DPYD: variants seen among roughly 807,000 people sequenced by gnomAD.
DPYD encodes the protein dihydropyrimidine dehydrogenase.
A neutral mutation model predicts 116.2 loss-of-function variants in DPYD; 109 were observed. That is an observed-to-expected ratio of 0.94 (90% CI 0.80 to 1.10). The LOEUF (loss-of-function observed/expected upper bound fraction) is 1.10. Ranked by LOEUF, DPYD falls within the 50% of genes least tolerant of loss-of-function variation. The pLI is 0.00. For missense variants in DPYD, 1,302 were observed against 1,254.5 expected (o/e 1.04, Z -0.57); for synonymous variants, 440 against 432.0 (o/e 1.02, Z -0.23).
intron 3 of DPYD, among the ~76,000 whole-genome samples, chr1:97,761,323 C>T (rs908757691): frequency 3.9e-5 from 6 of 151,906 alleles, no homozygotes; most frequent in Non-Finnish European, 7.4e-5. Context: ...AATCTGAAAA[C>T]GTCTTTAAAA....
intron 2 of DPYD, among the ~76,000 whole-genome samples, chr1:97,869,863 T>G (rs1004228083): frequency 3.3e-5 from 5 of 151,864 alleles, no homozygotes; most frequent in Admixed American, 6.6e-5. Flanking sequence ...ATTTCTTTCA[T>G]GTGAAGGTCT....
At chr1:97,558,262 A>C (rs1651891847) in intron 11 of DPYD, among the ~76,000 whole-genome samples, 1 of 152,074 alleles carries the variant, frequency 6.6e-6, no homozygotes, top group South Asian at 2.1e-4. Flanking sequence ...TACTACTCCT[A>C]AGTTCAGATA....
intron 19 of DPYD, among the ~76,000 whole-genome samples, chr1:97,206,376 T>A (rs1221166369): frequency 6.6e-6 from 1 of 151,880 alleles, no homozygotes; most frequent in Non-Finnish European, 1.5e-5. Flanking sequence ...TCAAAATATG[T>A]CTACATGTAG....
At chr1:97,420,828 C>A (rs1674543971) in intron 14 of DPYD, among the ~76,000 whole-genome samples, 1 of 152,148 alleles carries the variant, frequency 6.6e-6, no homozygotes. Context: ...CTTCAAGATG[C>A]CAATCAAGAG....
intron 16 of DPYD, among the ~76,000 whole-genome samples, chr1:97,343,723 C>T (rs946751230): frequency 6.6e-6 from 1 of 151,870 alleles, no homozygotes; most frequent in Non-Finnish European, 1.5e-5. Context: ...ATACAACTCC[C>T]TTAATATATG....
chr1:97,535,479 C>T (rs563780886), intron 12 of DPYD, among the ~76,000 whole-genome samples: 4 of 152,162 alleles, frequency 2.6e-5, no homozygotes, highest in African/African-American at 9.6e-5. Flanking sequence ...AGGTTAGATT[C>T]CCTACGTATT....
At chr1:97,423,626 TC>T (rs1343873606) in intron 14 of DPYD, among the ~76,000 whole-genome samples, 1 of 151,960 alleles carries the variant, frequency 6.6e-6, no homozygotes, top group African/African-American at 2.4e-5. Context: ...ATTGAATAGG[TC>T]CATTTTTACC....
At chr1:97,223,252 T>C (rs965087122) in intron 19 of DPYD, among the ~76,000 whole-genome samples, 4 of 152,074 alleles carry the variant, frequency 2.6e-5, no homozygotes, top group Non-Finnish European at 4.4e-5. Context: ...ATTGATTTGG[T>C]TATCTGAGTT....
At chr1:97,893,573 T>C (rs540848836) in intron 1 of DPYD, among the ~76,000 whole-genome samples, 3 of 150,598 alleles carry the variant, frequency 2.0e-5, no homozygotes, top group Non-Finnish European at 3.0e-5. Context: ...GAAGGGCATG[T>C]CAGATGAAAA....
At chr1:97,172,244 T>C (rs1656774305) in intron 20 of DPYD, among the ~76,000 whole-genome samples, 1 of 152,152 alleles carries the variant, frequency 6.6e-6, no homozygotes, top group Non-Finnish European at 1.5e-5. Flanking sequence ...CCAGGACACA[T>C]ACATTAATGA....
At chr1:97,169,963 T>G (rs1275728278) in intron 20 of DPYD, among the ~76,000 whole-genome samples, 1 of 152,148 alleles carries the variant, frequency 6.6e-6, no homozygotes, top group African/African-American at 2.4e-5. Flanking sequence ...AATAAATAAC[T>G]AAGGAATAGA....
At chr1:97,920,817 C>T (rs1674480102) in intron 1 of DPYD, 67 bp downstream of exon 1, 17 of 1,551,674 alleles carry the variant, frequency 1.1e-5, no homozygotes, top group Non-Finnish European at 1.5e-5. Context: ...GGGGCCTCCC[C>T]GGCACCTACC....
chr1:97,652,096 G>A (rs1269035979), intron 8 of DPYD, among the ~76,000 whole-genome samples: 4 of 151,792 alleles, frequency 2.6e-5, no homozygotes, highest in East Asian at 1.9e-4. Context: ...ATGATCTTAC[G>A]GATCATGAGT....
intron 3 of DPYD, among the ~76,000 whole-genome samples, chr1:97,810,033 T>C (rs967793033): frequency 1.7e-4 from 26 of 152,012 alleles, no homozygotes; most frequent in African/African-American, 6.3e-4. Flanking sequence ...ATGCCTGTAA[T>C]CACAGCACTT....
intron 14 of DPYD, among the ~76,000 whole-genome samples, chr1:97,409,972 A>G (rs12143861): frequency 0.43 from 65,193 of 151,730 alleles, 14,551 homozygotes; most frequent in Admixed American, 0.52. Context: ...CAGCTAAGGC[A>G]GAAGAATTGC....
intron 5 of DPYD, among the ~76,000 whole-genome samples, chr1:97,706,731 T>C (rs1226903657): frequency 6.6e-6 from 1 of 152,098 alleles, no homozygotes. Flanking sequence ...TATTGCAATA[T>C]CTGTATGTAC....
chr1:97,140,120 C>T (rs1654106363), intron 20 of DPYD, among the ~76,000 whole-genome samples: 1 of 151,846 alleles, frequency 6.6e-6, no homozygotes, highest in Non-Finnish European at 1.5e-5. Flanking sequence ...GTCTTAGCAA[C>T]CTGAACATGG....
chr1:97,252,784 A>G (rs1241729501), intron 18 of DPYD, among the ~76,000 whole-genome samples: 2 of 152,180 alleles, frequency 1.3e-5, no homozygotes, highest in Non-Finnish European at 2.9e-5. Flanking sequence ...AATAGGGCCA[A>G]TGGTCACAAT....
intron 16 of DPYD, chr1:97,322,814 C>A (rs1186950064): frequency 6.6e-6 from 1 of 151,878 alleles, no homozygotes; most frequent in Non-Finnish European, 1.5e-5. Context: ...AAAGGAAGGG[C>A]TAGGCCTCTG....
Sources: gnomAD v4.1 joint callset for allele counts (sites outside exome capture counted in the v4.1 genomes callset) on GRCh38, gnomAD v4.1.1 for gene constraint, MANE v1.5 for transcripts, NCBI Gene and HGNC (gene_info 2026-07-23, HGNC 2026-07-21) for gene names.